The following KMT5C variants were observed in gnomAD, a reference collection of about 807,000 sequenced individuals.
The protein encoded by KMT5C is histone-lysine N-methyltransferase KMT5C.
A neutral mutation model predicts 38.2 loss-of-function variants in KMT5C; 16 were observed. That is an observed-to-expected ratio of 0.42 (90% CI 0.28 to 0.64). The LOEUF is 0.64. Ranked by LOEUF, KMT5C falls within the 30% of genes least tolerant of loss-of-function variation. The pLI, the probability that KMT5C is intolerant of heterozygous loss-of-function variation, is 0.23. For synonymous variants in KMT5C, 291 were observed against 279.0 expected, an observed-to-expected ratio of 1.04 and a Z score of -0.43; for missense variants, 598 against 665.1, an observed-to-expected ratio of 0.90 and a Z score of 1.11.
Position 55,343,257 on chromosome 19 carries a change from C to T in KMT5C, c.386+406C>T. On this transcript the variant is annotated intron_variant, in intron 4 of 8. Transcript: ENST00000255613. This position sits in a 1 kb window ranked among gnomAD's most constrained non-coding sequence, Gnocchi z 5.5. ...GTCAACATGCAGTCACTGGTCCCAG[C>T]TGGTACATGCTGCAGGGGAGCTGTG... 1 of 310,138 alleles carries T rather than the reference C, an allele frequency of 3.2e-6. No homozygotes were observed. Among genetic ancestry groups the T allele is most frequent in the Admixed American group, 4.4e-5 (1 of 22,744 alleles). 19.2% of individuals were successfully genotyped at this position (310,138 alleles called of 1,614,324 possible).
In KMT5C at chr19:55,347,790, A is replaced by G; in HGVS notation, c.*341A>G. On this transcript the variant is annotated 3_prime_UTR_variant, in exon 9 of 9. Transcript: ENST00000255613. This position sits in a 1 kb window ranked among gnomAD's most constrained non-coding sequence, Gnocchi z 4.6. ...TAAGGGGCAGGGGCCACCCCACGGCATCTCCCCAGAAGTACAGGCCTCAGG... is the reference window on the plus strand; with the variant it reads ...TAAGGGGCAGGGGCCACCCCACGGCGTCTCCCCAGAAGTACAGGCCTCAGG... The G allele has an allele frequency of 3.3e-6, 1 of 305,520 alleles. No individual in the cohort carries two copies. The highest frequency in any genetic ancestry group is 6.0e-6 in the Non-Finnish European group (1 of 166,324). The allele number at this position is 305,520 out of a possible 1,614,324, so 18.9% of individuals were successfully genotyped here.
At chr19:55,345,413 AGGAAGG>A (rs2089606449) in intron 6 of KMT5C, among the ~76,000 whole-genome samples, 1 of 152,076 alleles carries the variant, frequency 6.6e-6, no homozygotes, top group Non-Finnish European at 1.5e-5. Flanking sequence ...GAGGCTTGGC[AGGAAGG>A]GGAGAGGCTG....
chr19:55,340,840 A>C (rs1230249232), intron 1 of KMT5C, among the ~76,000 whole-genome samples: 1 of 55,006 alleles, frequency 1.8e-5, no homozygotes, highest in Non-Finnish European at 3.8e-5. Context: ...TCTCCCTCCC[A>C]CAGCCCCCTG....
intron 1 of KMT5C, among the ~76,000 whole-genome samples, chr19:55,340,921 T>C (rs12608561): frequency 0.96 from 145,283 of 151,518 alleles, 69,741 homozygotes; most frequent in Non-Finnish European, 0.98. Context: ...GTCCCTGGCG[T>C]CCTCCTGCAG....
intron 6 of KMT5C, chr19:55,344,499 C>T (rs911705535): frequency 2.2e-5 from 8 of 361,018 alleles, no homozygotes; most frequent in South Asian, 1.5e-4. Context: ...CAGCGTTGCC[C>T]GGCTGTTTGT....
intron 6 of KMT5C, among the ~76,000 whole-genome samples, chr19:55,345,871 G>A (rs1313872531): frequency 2.0e-5 from 3 of 152,210 alleles, no homozygotes; most frequent in African/African-American, 7.2e-5. Flanking sequence ...CTCAGGAGGG[G>A]ATGGGCTTGG....
At chr19:55,346,747 C>T in intron 8 of KMT5C, 60 bp downstream of exon 8, 1 of 1,369,800 alleles carries the variant, frequency 7.3e-7, no homozygotes, top group South Asian at 1.4e-5. Flanking sequence ...GGTCATCTGT[C>T]TCCTTTCTTC....
rs749123319 is a variant in KMT5C, at chr19:55,346,469, G to A, written c.708-31G>A. On this transcript the variant is annotated intron_variant, in intron 7 of 8. Transcript: ENST00000255613. ...CCAGCCTCTCATCTCCCTTCCACCCGGCCTCATCTCCCCTTCACCCGGTCT... is the reference window on the plus strand; with the variant it reads ...CCAGCCTCTCATCTCCCTTCCACCCAGCCTCATCTCCCCTTCACCCGGTCT... 1.1e-5 allele frequency: 17 copies of A among 1,582,386 alleles called. No individual in the cohort carries two copies. The East Asian group carries it at 2.3e-4, about 22-fold the overall frequency.
chr19:55,346,768 G>A (rs1027169605), intron 8 of KMT5C, 81 bp downstream of exon 8: 1 of 1,269,382 alleles, frequency 7.9e-7, no homozygotes. Context: ...TGAGCTCTCT[G>A]CCTAGCCTGG....
At chr19:55,340,073 T>C (rs1169287379) in intron 1 of KMT5C, 116 bp downstream of exon 1, 1 of 77,348 alleles carries the variant, frequency 1.3e-5, no homozygotes, top group Admixed American at 1.4e-4. Flanking sequence ...CGGCCCCTCC[T>C]CGTGTCCAGG....
chr19:55,344,230 C>A, intron 6 of KMT5C: 1 of 400,762 alleles, frequency 2.5e-6, no homozygotes, highest in Non-Finnish European at 4.6e-6. Flanking sequence ...GGCGTGGTGG[C>A]GGGCGCCTGT....
rs1051049041 is a variant in KMT5C at position 55,347,269 on chromosome 19, T to C, written c.1209T>C (p.Arg403=). The C allele has an allele frequency of 9.0e-6, 14 of 1,556,302 alleles. No individual in the cohort carries two copies. In the African/African-American group the frequency reaches 1.6e-4, roughly 18 times the overall value. Residue 403 remains arginine (R), a synonymous_variant, in exon 9 of 9, where the codon CGT becomes CGC. Coordinates refer to ENST00000255613, the MANE Select transcript of KMT5C (RefSeq NM_032701.4). This position sits in a 1 kb window ranked among gnomAD's most constrained non-coding sequence, Gnocchi z 4.6. ...GCTATGGGCTGCCTTACGTGGTGCG[T>C]GTGGACCTTCGTCGCCTGGCCCCAG... The part of the protein sequence containing the change: ...ARRYGLPYVV[R]VDLRRLAPAP...
Position 55,342,814 on chromosome 19 carries a change from G to A in KMT5C, c.349G>A (p.Glu117Lys). The A allele has an allele frequency of 6.2e-7, 1 of 1,612,928 alleles. No individual in the cohort carries two copies. Among genetic ancestry groups the A allele is most frequent in the Non-Finnish European group, 8.5e-7 (1 of 1,178,926 alleles). Reference protein sequence around the residue: ...TILPCTRYSMETNGAKIVSTR... With the variant: ...TILPCTRYSMKTNGAKIVSTR... The stretch of plus-strand genomic sequence containing the variant: ...CCTGCCCTGCACGCGCTACTCCATG[G>A]AGACCAACGGGGCCAAGATCGTGTC... The change falls in exon 4 of 9, where the codon GAG becomes AAG. Residue 117 changes from glutamate to lysine, a missense_variant. Glu to Lys is a moderately conservative substitution (Grantham distance 56, BLOSUM62 1). Coordinates refer to ENST00000255613, the MANE Select transcript of KMT5C (RefSeq NM_032701.4).
Position 55,347,912 on chromosome 19 carries a change from G to A in KMT5C, c.*463G>A, listed in dbSNP as rs549413920. ...AGCTCTGCAGCTGTCTGCGGTGGGG[G>A]GAAGGTTGGGGGGTGTCTGGAGGCA... On this transcript the variant is annotated 3_prime_UTR_variant, in exon 9 of 9. Transcript: ENST00000255613. This position sits in a 1 kb window ranked among gnomAD's most constrained non-coding sequence, Gnocchi z 4.6. 420 of 158,800 alleles carry A rather than the reference G, an allele frequency of 2.6e-3. No homozygotes were observed. Among genetic ancestry groups the A allele is most frequent in the African/African-American group, 9.7e-3 (406 of 41,762 alleles). The allele number at this position is 158,800 out of a possible 1,614,324, so 9.8% of individuals were successfully genotyped here. A position where few individuals can be genotyped will look rare whatever the true frequency, so the allele number is the denominator to read the frequency against.
intron 6 of KMT5C, chr19:55,344,451 C>T (rs373317329): frequency 2.9e-6 from 1 of 348,724 alleles, no homozygotes; most frequent in South Asian, 2.1e-5. Flanking sequence ...TATTTGCTCA[C>T]AAGGCTACCA....
At position 55,346,480 on chromosome 19, in the gene KMT5C, C is replaced by T. The variant is rs1569022204; in HGVS notation, c.708-20C>T. 6.3e-7 allele frequency: 1 copy of T among 1,592,226 alleles called. No individual in the cohort carries two copies. Among genetic ancestry groups the T allele is most frequent in the South Asian group, 1.1e-5 (1 of 88,366 alleles). ...TCTCCCTTCCACCCGGCCTCATCTC[C>T]CCTTCACCCGGTCTCCCAGGAAAGG... On this transcript the variant is annotated intron_variant, in intron 7 of 8. Transcript: ENST00000255613.
Position 55,341,953 on chromosome 19 carries a change from T to G in KMT5C, c.17T>G (p.Val6Gly), listed in dbSNP as rs769276110. Residue 6 changes from valine (V) to glycine (G), a missense_variant, in exon 2 of 9, where the codon GTG (valine) becomes GGG (glycine). By Grantham distance (109) the Val-to-Gly change is moderately radical. Transcript: ENST00000255613. MGPDR[V>G]TARELCENDD... is the part of the protein sequence containing the mutation. ...CAGGGCACCATGGGGCCCGACAGAGTGACAGCACGAGAACTGTGCGAGAAC... is the reference window on the plus strand; with the variant it reads ...CAGGGCACCATGGGGCCCGACAGAGGGACAGCACGAGAACTGTGCGAGAAC... The G allele has an allele frequency of 6.2e-7, 1 of 1,613,308 alleles. No homozygotes were observed. The highest frequency in any genetic ancestry group is 2.2e-5 in the East Asian group (1 of 44,866).
Position 55,343,546 on chromosome 19 carries a change from G to A in KMT5C, c.387-134G>A, listed in dbSNP as rs1330709840. The stretch of plus-strand genomic sequence containing the variant: ...AGGGGAAGAGGGAGATCTGGAAGAT[G>A]GATCGCCAATAGCCAGCACCAGCGC... On this transcript the variant is annotated intron_variant, in intron 4 of 8. Transcript: ENST00000255613. This position sits in a 1 kb window ranked among gnomAD's most constrained non-coding sequence, Gnocchi z 5.5. 8 of 809,262 alleles carry A rather than the reference G, an allele frequency of 9.9e-6. No individual in the cohort carries two copies. The South Asian group carries it at 1.1e-4, about 11-fold the overall frequency. The allele number at this position is 809,262 out of a possible 1,614,324, so 50.1% of individuals were successfully genotyped here.
chr19:55,346,421 C>T, intron 7 of KMT5C, 72 bp downstream of exon 7: 2 of 1,609,670 alleles, frequency 1.2e-6, no homozygotes, highest in Admixed American at 1.7e-5. Context: ...ACCCTCGGGA[C>T]CCATCCCTGA....
Sources: allele counts gnomAD v4.1 joint callset (sites outside exome capture counted in the v4.1 genomes callset), GRCh38; gene constraint gnomAD v4.1.1; non-coding constraint Gnocchi (gnomAD v3.1); transcripts MANE v1.5; gene names NCBI Gene and HGNC (gene_info 2026-07-23, HGNC 2026-07-21).